Variants in ALDH1A1 observed in about 807,000 individuals in gnomAD.
The protein encoded by ALDH1A1 is aldehyde dehydrogenase 1 family member A1, also known as aldehyde dehydrogenase 1A1.
Under a neutral mutation model 62.1 loss-of-function variants are expected in ALDH1A1, and 19 were observed. The observed-to-expected ratio is 0.31, with a 90% CI of 0.21 to 0.45. ALDH1A1 has a LOEUF of 0.45. Ranked by LOEUF, ALDH1A1 falls within the 20% of genes least tolerant of loss-of-function variation. The probability of loss-of-function intolerance (pLI) is 1.00; values close to 1 mark genes in which losing one functional copy is unlikely to be tolerated. For missense variants in ALDH1A1, 521 were observed against 607.1 expected (o/e 0.86, Z 1.49); for synonymous variants, 231 against 215.9 (o/e 1.07, Z -0.61).
chr9:72,920,783 AT>A (rs1261680184), intron 7 of ALDH1A1, among the ~76,000 whole-genome samples: 1 of 152,218 alleles, frequency 6.6e-6, no homozygotes, highest in African/African-American at 2.4e-5. Flanking sequence ...AACGTTTATC[AT>A]TTTTCTCAAA....
chr9:72,915,999 T>G (rs1830057751), intron 9 of ALDH1A1, among the ~76,000 whole-genome samples: 1 of 152,184 alleles, frequency 6.6e-6, no homozygotes, highest in Admixed American at 6.5e-5. Flanking sequence ...CAGAGCAGGA[T>G]TTCTCGGCAG....
At chr9:72,922,041 G>A (rs1277619598) in intron 7 of ALDH1A1, among the ~76,000 whole-genome samples, 1 of 152,136 alleles carries the variant, frequency 6.6e-6, no homozygotes, top group African/African-American at 2.4e-5. Context: ...ATGGGGCAGA[G>A]TGGCAGAGAT....
chr9:72,937,507 C>T (rs1241276811), intron 2 of ALDH1A1, among the ~76,000 whole-genome samples: 1 of 152,184 alleles, frequency 6.6e-6, no homozygotes, highest in African/African-American at 2.4e-5. Context: ...TTTAACTCCT[C>T]AAGCATTTTC....
chr9:72,952,838 C>A, intron 1 of ALDH1A1, 97 bp downstream of exon 1: 1 of 1,371,044 alleles, frequency 7.3e-7, no homozygotes, highest in Non-Finnish European at 1.0e-6. Flanking sequence ...TTGCAAAGGG[C>A]TCTTTACACA....
At chr9:72,918,409 T>G (rs148115129) in intron 8 of ALDH1A1, among the ~76,000 whole-genome samples, 141 of 152,214 alleles carry the variant, frequency 9.3e-4, no homozygotes, top group Middle Eastern at 3.4e-3. Context: ...ATGCTAATAA[T>G]CACAGATATG....
chr9:72,950,746 C>T (rs1031179078), intron 1 of ALDH1A1, among the ~76,000 whole-genome samples: 3 of 151,504 alleles, frequency 2.0e-5, no homozygotes, highest in African/African-American at 7.3e-5. Flanking sequence ...AGAATAGTAA[C>T]AGAAAAATAA....
At chr9:72,948,741 A>G (rs1210944888) in intron 1 of ALDH1A1, among the ~76,000 whole-genome samples, 1 of 151,880 alleles carries the variant, frequency 6.6e-6, no homozygotes, top group East Asian at 1.9e-4. Context: ...ACCTTCCAGG[A>G]ACAGAGGCTG....
chr9:72,909,849 C>T, intron 10 of ALDH1A1, 90 bp from the exon 11 acceptor site: 1 of 1,113,124 alleles, frequency 9.0e-7, no homozygotes, highest in East Asian at 2.7e-5. Flanking sequence ...ACACGCTATC[C>T]TAAATTGATT....
At position 72,952,939 on chromosome 9, in the gene ALDH1A1, G is replaced by A; in HGVS notation, c.62C>T (p.Thr21Ile). The change falls in exon 1 of 13, where the codon ACT (threonine) becomes ATT (isoleucine). Residue 21 changes from threonine to isoleucine, a missense_variant. Physicochemically the swap from Thr to Ile is moderately conservative, Grantham distance 89 (BLOSUM62 -1). Coordinates refer to ENST00000297785, the MANE Select transcript of ALDH1A1 (RefSeq NM_000689.5). ...VLLTDLKIQY[T>I]KIFINNEWHD... Reference sequence around the variant, plus strand: ...GAAAATAGAAGTTTTACTCACCTTAGTATATTGAATCTTCAAATCGGTGAG... The same window carrying A: ...GAAAATAGAAGTTTTACTCACCTTAATATATTGAATCTTCAAATCGGTGAG... 6.2e-7 allele frequency: 1 copy of A among 1,612,828 alleles called. No homozygotes were observed. Among genetic ancestry groups the A allele is most frequent in the Non-Finnish European group, 8.5e-7 (1 of 1,179,172 alleles).
rs552449021 is a variant in ALDH1A1 at position 72,900,694 on chromosome 9, G to A, written c.*514C>T. 6.6e-6 allele frequency: 1 copy of A among 152,254 alleles called. No individual in the cohort carries two copies. The highest frequency in any genetic ancestry group is 1.9e-4 in the East Asian group (1 of 5,208). The allele number at this position is 152,254 out of a possible 1,614,324, so 9.4% of individuals were successfully genotyped here. On this transcript the variant is annotated 3_prime_UTR_variant, in exon 13 of 13. Transcript: ENST00000297785. ...AATCATGCAAGGTTGTTTTTATTAAGCTTTATATTCAGTTTACAGCTAAAT... is the reference window on the plus strand; with the variant it reads ...AATCATGCAAGGTTGTTTTTATTAAACTTTATATTCAGTTTACAGCTAAAT...
intron 11 of ALDH1A1, 98 bp from the exon 12 acceptor site, chr9:72,906,130 C>A: frequency 2.5e-6 from 2 of 810,644 alleles, no homozygotes; most frequent in Non-Finnish European, 2.0e-6. Context: ...CTTACAAACT[C>A]CATTAATTTC....
At chr9:72,918,963 C>T in intron 7 of ALDH1A1, 141 bp from the exon 8 acceptor site, 2 of 589,762 alleles carry the variant, frequency 3.4e-6, no homozygotes, top group Non-Finnish European at 5.9e-6. Context: ...TTTTTTGAGA[C>T]GAAGTCTCAC....
chr9:72,922,505 C>T (rs2118526170), intron 7 of ALDH1A1, among the ~76,000 whole-genome samples: 1 of 152,104 alleles, frequency 6.6e-6, no homozygotes, highest in African/African-American at 2.4e-5. Context: ...AGGATCTAGA[C>T]CAGGGTTGTT....
Position 72,901,171 on chromosome 9 carries a change from A to C in ALDH1A1, c.*37T>G, listed in dbSNP as rs373812319. On this transcript the variant is annotated 3_prime_UTR_variant, in exon 13 of 13. Transcript: ENST00000297785. The stretch of plus-strand genomic sequence containing the variant: ...TATTAGTGACTGTAAGGAGATGCTT[A>C]GCTATTGAAGAGCTTCTCTCCACTC... The C allele has an allele frequency of 4.8e-6, 7 of 1,451,776 alleles. No homozygotes were observed. In the African/African-American group the frequency reaches 9.8e-5, roughly 20 times the overall value. The allele number at this position is 1,451,776 out of a possible 1,614,324, so 89.9% of individuals were successfully genotyped here.
intron 2 of ALDH1A1, among the ~76,000 whole-genome samples, chr9:72,933,968 T>C (rs1830316999): frequency 2.0e-5 from 3 of 152,230 alleles, no homozygotes; most frequent in East Asian, 3.9e-4. Flanking sequence ...ATCTAATTGT[T>C]TATTTTTAGT....
At position 72,909,637 on chromosome 9, in the gene ALDH1A1, T is replaced by C. The variant is rs1365146948; in HGVS notation, c.1323A>G (p.Ile441Met). The C allele has an allele frequency of 1.9e-6, 3 of 1,614,068 alleles. No homozygotes were observed. The Admixed American group carries it at 5.0e-5, about 27-fold the overall frequency. ...CTGCCTGCAGAGCAGAGGAGATTGT[T>C]ATGGCTTTATCAATGTCTTTGGTAA... ...GVFTKDIDKA[I>M]TISSALQAGT... The change falls in exon 11 of 13, where the codon ATA becomes ATG. Residue 441 changes from isoleucine (I) to methionine (M), a missense_variant. Ile to Met is a conservative substitution (Grantham distance 10, BLOSUM62 1). Transcript: ENST00000297785.
At chr9:72,925,934 T>C (rs1241398105) in intron 5 of ALDH1A1, among the ~76,000 whole-genome samples, 1 of 152,188 alleles carries the variant, frequency 6.6e-6, no homozygotes, top group Non-Finnish European at 1.5e-5. Flanking sequence ...TATCTAAAAA[T>C]GTTTAAAAAG....
At chr9:72,940,561 CTTTTGTGGGCTTGGTCTTT>C in intron 1 of ALDH1A1, among the ~76,000 whole-genome samples, 1 of 152,240 alleles carries the variant, frequency 6.6e-6, no homozygotes, top group Admixed American at 6.5e-5. Context: ...AAAGCAAAGG[CTTTTGTGGGCTTGGTCTTT>C]ATTAATGATT....
chr9:72,913,327 G>C (rs375658903), intron 9 of ALDH1A1, among the ~76,000 whole-genome samples: 14 of 152,166 alleles, frequency 9.2e-5, no homozygotes, highest in African/African-American at 3.4e-4. Flanking sequence ...TAATATCCCA[G>C]AAGGAAAATA....
Sources: allele counts gnomAD v4.1 joint callset (sites outside exome capture counted in the v4.1 genomes callset), GRCh38; gene constraint gnomAD v4.1.1; transcripts MANE v1.5; gene names NCBI Gene and HGNC (gene_info 2026-07-23, HGNC 2026-07-21).